C1QTNF3: variants seen among roughly 807,000 people sequenced by gnomAD.
C1QTNF3 encodes the protein C1q and TNF related 3.
In C1QTNF3, 26 loss-of-function variants were observed where a neutral mutation model predicts 32.6. The ratio of observed to expected loss-of-function variants is 0.80; its 90% confidence interval spans 0.58 to 1.11. C1QTNF3 has a LOEUF of 1.11. Among genes scored for constraint, C1QTNF3 ranks in the 50% least tolerant of loss-of-function variants. C1QTNF3 has a pLI of 0.00. For missense variants in C1QTNF3, 362 were observed against 398.2 expected, an observed-to-expected ratio of 0.91 and a Z score of 0.77; for synonymous variants, 155 against 146.0, an observed-to-expected ratio of 1.06 and a Z score of -0.44.
At chr5:34,071,088 TAAC>T in the C1QTNF3 span, among the ~76,000 whole-genome samples, 2 of 152,316 alleles carry the variant, frequency 1.3e-5, no homozygotes, top group South Asian at 2.1e-4. Flanking sequence ...TTTAACAGAT[TAAC>T]AACATACCAT....
At chr5:34,055,360 C>T in the C1QTNF3 span, among the ~76,000 whole-genome samples, 1 of 152,188 alleles carries the variant, frequency 6.6e-6, no homozygotes, top group Non-Finnish European at 1.5e-5. Context: ...GACATTGAAT[C>T]CCACTACTGT....
chr5:34,063,307 T>TCA, the C1QTNF3 span, among the ~76,000 whole-genome samples: 2 of 151,222 alleles, frequency 1.3e-5, no homozygotes, highest in African/African-American at 4.9e-5. Context: ...CCTCTCTCTC[T>TCA]CACTTCTCTC....
intron 3 of C1QTNF3, 129 bp from the exon 4 acceptor site, chr5:34,029,012 G>A: frequency 1.5e-6 from 1 of 676,472 alleles, no homozygotes; most frequent in Non-Finnish European, 2.3e-6. Context: ...TATGGAGAGA[G>A]AAACAAATAA....
chr5:34,213,398 C>T, the C1QTNF3 span, among the ~76,000 whole-genome samples: 5 of 151,984 alleles, frequency 3.3e-5, no homozygotes, highest in African/African-American at 1.2e-4. Context: ...AATCTGCACT[C>T]TAAGTACCAG....
the C1QTNF3 span, among the ~76,000 whole-genome samples, chr5:34,170,030 C>T: frequency 1.3e-5 from 2 of 152,078 alleles, no homozygotes; most frequent in African/African-American, 2.4e-5. Context: ...TGGAAATGAC[C>T]CATGTCTATG....
At chr5:34,125,787 TAAATA>T in the C1QTNF3 span, among the ~76,000 whole-genome samples, 1 of 152,234 alleles carries the variant, frequency 6.6e-6, no homozygotes, top group African/African-American at 2.4e-5. Context: ...TATATTGTAA[TAAATA>T]AAATAGGTTT....
At chr5:34,143,637 A>C in the C1QTNF3 span, among the ~76,000 whole-genome samples, 3 of 152,204 alleles carry the variant, frequency 2.0e-5, no homozygotes, top group Non-Finnish European at 4.4e-5. Flanking sequence ...AGTTTCAGCA[A>C]CTTAAAAAAA....
At chr5:34,048,311 A>AGAGAGAGG in the C1QTNF3 span, among the ~76,000 whole-genome samples, 13 of 151,702 alleles carry the variant, frequency 8.6e-5, no homozygotes, top group Admixed American at 4.6e-4. Flanking sequence ...AGAGAGAGAG[A>AGAGAGAGG]GAGAGAGATA....
At chr5:34,197,883 G>T in the C1QTNF3 span, among the ~76,000 whole-genome samples, 12 of 152,040 alleles carry the variant, frequency 7.9e-5, no homozygotes, top group Non-Finnish European at 1.6e-4. Flanking sequence ...ATAGATTACT[G>T]TCCTCTAGCT....
the C1QTNF3 span, among the ~76,000 whole-genome samples, chr5:34,050,915 A>C: frequency 6.6e-6 from 1 of 152,168 alleles, no homozygotes; most frequent in South Asian, 2.1e-4. Flanking sequence ...CTTGTAACAG[A>C]GTCTTGATTT....
At chr5:34,212,758 G>C in the C1QTNF3 span, among the ~76,000 whole-genome samples, 64 of 149,934 alleles carry the variant, frequency 4.3e-4, no homozygotes, top group African/African-American at 1.6e-3. Flanking sequence ...GGAAACAACA[G>C]GTGCTGGAGA....
the C1QTNF3 span, among the ~76,000 whole-genome samples, chr5:34,129,584 A>T: frequency 6.6e-6 from 1 of 152,274 alleles, no homozygotes; most frequent in East Asian, 1.9e-4. Flanking sequence ...TATAAATGTA[A>T]GTGATTATAA....
At chr5:34,024,641 T>C (rs762099835) in intron 4 of C1QTNF3, among the ~76,000 whole-genome samples, 4 of 152,210 alleles carry the variant, frequency 2.6e-5, no homozygotes, top group Non-Finnish European at 5.9e-5. Context: ...CTGTATCCTC[T>C]TCATTTGGAA....
chr5:34,162,028 CCTGGACTGATTCTCTCTACA>C, the C1QTNF3 span, among the ~76,000 whole-genome samples: 1 of 151,732 alleles, frequency 6.6e-6, no homozygotes. Flanking sequence ...TTAGTTTTAC[CCTGGACTGATTCTCTCTACA>C]CTGGATAGTG....
At chr5:34,077,859 C>G in the C1QTNF3 span, among the ~76,000 whole-genome samples, 2 of 151,230 alleles carry the variant, frequency 1.3e-5, no homozygotes, top group African/African-American at 4.9e-5. Flanking sequence ...CAGGACGTGA[C>G]GTTAACCTGG....
At chr5:34,132,376 C>T in the C1QTNF3 span, among the ~76,000 whole-genome samples, 1 of 150,880 alleles carries the variant, frequency 6.6e-6, no homozygotes, top group Non-Finnish European at 1.5e-5. Context: ...CAGAGGGAGA[C>T]TCCATTTCAA....
chr5:34,147,101 C>G, the C1QTNF3 span, among the ~76,000 whole-genome samples: 1 of 151,872 alleles, frequency 6.6e-6, no homozygotes, highest in Admixed American at 6.6e-5. Context: ...CAATGAGATA[C>G]TATCTCATGC....
the C1QTNF3 span, among the ~76,000 whole-genome samples, chr5:34,154,835 G>A: frequency 2.0e-5 from 3 of 152,262 alleles, no homozygotes; most frequent in East Asian, 3.9e-4. Context: ...GATAGAAAAT[G>A]AGAACCATCT....
At chr5:34,092,258 T>G in the C1QTNF3 span, among the ~76,000 whole-genome samples, 10 of 151,910 alleles carry the variant, frequency 6.6e-5, no homozygotes, top group Non-Finnish European at 2.9e-5. Flanking sequence ...ATTTTCCAAA[T>G]AGTTGCATTG....
Sources: gnomAD v4.1 joint callset for allele counts (sites outside exome capture counted in the v4.1 genomes callset) on GRCh38, gnomAD v4.1.1 for gene constraint, MANE v1.5 for transcripts, NCBI Gene and HGNC (gene_info 2026-07-23, HGNC 2026-07-21) for gene names.